Variants in RYR2 observed in about 807,000 individuals in gnomAD.
RYR2 encodes cardiac muscle ryanodine receptor-calcium release channel.
A neutral mutation model predicts 601.1 loss-of-function variants in RYR2; 227 were observed. That is an observed-to-expected ratio of 0.38 (90% CI 0.34 to 0.42). The LOEUF (loss-of-function observed/expected upper bound fraction) is 0.42, where lower values mean the gene tolerates loss of function less well. RYR2 is among the 10% of genes least tolerant of loss of function. The probability of loss-of-function intolerance (pLI) is 1.00; values close to 1 mark genes in which losing one functional copy is unlikely to be tolerated. For missense variants in RYR2, 4,646 were observed against 6,156.5 expected, an observed-to-expected ratio of 0.75 and a Z score of 8.21; for synonymous variants, 2,223 against 2,175.1, an observed-to-expected ratio of 1.02 and a Z score of -0.61.
At chr1:237,422,997 T>C in intron 11 of RYR2, 95 bp from the exon 12 acceptor site, 1 of 1,360,018 alleles carries the variant, frequency 7.4e-7, no homozygotes, top group South Asian at 1.6e-5. Flanking sequence ...ATTAAGACAA[T>C]ATATATGACT....
intron 1 of RYR2, among the ~76,000 whole-genome samples, chr1:237,063,967 A>G (rs1447405277): frequency 6.6e-6 from 1 of 151,640 alleles, no homozygotes; most frequent in Non-Finnish European, 1.5e-5. Context: ...TAAAGGTGAT[A>G]TTTTCATTCT....
At chr1:237,201,134 C>T (rs113569687) in intron 1 of RYR2, among the ~76,000 whole-genome samples, 1,787 of 152,266 alleles carry the variant, frequency 0.012, 49 homozygotes, top group African/African-American at 0.041. Context: ...TAAAATAAGC[C>T]TCATTTAGCC....
At chr1:237,398,959 CA>C (rs766066154) in intron 10 of RYR2, among the ~76,000 whole-genome samples, 3 of 152,128 alleles carry the variant, frequency 2.0e-5, no homozygotes, top group Non-Finnish European at 4.4e-5. Context: ...TTTGGGAGGC[CA>C]AAGTCGGTGA....
At chr1:237,404,717 A>C (rs542048501) in intron 10 of RYR2, among the ~76,000 whole-genome samples, 3 of 152,160 alleles carry the variant, frequency 2.0e-5, no homozygotes, top group Non-Finnish European at 4.4e-5. Flanking sequence ...TATGGCCCCT[A>C]ATCAGTTGAC....
intron 10 of RYR2, among the ~76,000 whole-genome samples, chr1:237,396,347 G>C (rs1288269962): frequency 6.6e-6 from 1 of 152,162 alleles, no homozygotes; most frequent in African/African-American, 2.4e-5. Flanking sequence ...AGAGTCTCTG[G>C]ACCAATAGAA....
intron 24 of RYR2, among the ~76,000 whole-genome samples, chr1:237,515,888 CCTCCCTCTTCTCCTTCTCCCTCTT>C (rs1666465432): frequency 7.1e-6 from 1 of 141,054 alleles, no homozygotes; most frequent in African/African-American, 2.8e-5. Context: ...CTCTTCTCCT[CCTCCCTCTTCTCCTTCTCCCTCTT>C]CTCCCTCTCC....
intron 1 of RYR2, among the ~76,000 whole-genome samples, chr1:237,148,932 C>A (rs932697340): frequency 2.6e-5 from 4 of 152,050 alleles, no homozygotes; most frequent in African/African-American, 7.2e-5. Context: ...GGAAATCCAG[C>A]CCCCTACCCC....
chr1:237,566,718 T>G lies in RYR2; in HGVS notation c.3366T>G (p.Cys1122Trp). 1 of 1,613,994 alleles carries G rather than the reference T, an allele frequency of 6.2e-7. No individual in the cohort carries two copies. Among genetic ancestry groups the G allele is most frequent in the Non-Finnish European group, 8.5e-7 (1 of 1,179,874 alleles). Residue 1122 changes from cysteine (C) to tryptophan (W), a missense_variant, in exon 28 of 105, where the codon TGT becomes TGG. Cys to Trp is a radical substitution (Grantham distance 215). This residue lies in a region of RYR2 where 1,807 missense variants were observed against 2,088.1 expected (regional missense o/e 0.87). Coordinates refer to ENST00000366574, the MANE Select transcript of RYR2 (RefSeq NM_001035.3). ...DMRVGWSRPG[C>W]QPDQELGSDE... ...GGGTTGGTTGGAGTCGTCCTGGTTG[T>G]CAACCGGATCAGGAGCTTGGCTCAG...
chr1:237,222,522 C>G (rs1683933521), intron 1 of RYR2, among the ~76,000 whole-genome samples: 1 of 152,066 alleles, frequency 6.6e-6, no homozygotes. Flanking sequence ...CCAAACCTCT[C>G]CTATTTGACC....
intron 1 of RYR2, among the ~76,000 whole-genome samples, chr1:237,103,398 A>G (rs148683556): frequency 6.6e-6 from 1 of 152,292 alleles, no homozygotes; most frequent in Non-Finnish European, 1.5e-5. Context: ...ATCCTCCTGT[A>G]GCCTGGTACT....
chr1:237,157,867 A>G (rs920937287), intron 1 of RYR2, among the ~76,000 whole-genome samples: 1 of 152,216 alleles, frequency 6.6e-6, no homozygotes, highest in African/African-American at 2.4e-5. Context: ...ATATTTCATA[A>G]TAGCCAGAAG....
At chr1:237,556,542 G>A (rs926026964) in intron 27 of RYR2, among the ~76,000 whole-genome samples, 1 of 148,962 alleles carries the variant, frequency 6.7e-6, no homozygotes. Context: ...AACTCCTGAT[G>A]TTGTGATCCA....
intron 27 of RYR2, among the ~76,000 whole-genome samples, chr1:237,558,971 C>T (rs1402213083): frequency 4.0e-5 from 6 of 149,946 alleles, no homozygotes; most frequent in Non-Finnish European, 1.5e-5. Flanking sequence ...TTGATATTCA[C>T]TATTTGGTGA....
chr1:237,503,752 G>A (rs1043068252), intron 22 of RYR2, among the ~76,000 whole-genome samples: 25 of 152,150 alleles, frequency 1.6e-4, no homozygotes, highest in Non-Finnish European at 3.5e-4. Flanking sequence ...CTGTTGTCCA[G>A]GCTGGAGTGC....
At chr1:237,400,651 A>C (rs12039295) in intron 10 of RYR2, among the ~76,000 whole-genome samples, 44,406 of 152,088 alleles carry the variant, frequency 0.29, 6,635 homozygotes, top group African/African-American at 0.35. Context: ...ATTCATAATA[A>C]TAGTAGACAT....
chr1:237,271,402 T>A (rs1296326022), intron 2 of RYR2, among the ~76,000 whole-genome samples: 2 of 152,172 alleles, frequency 1.3e-5, no homozygotes, highest in African/African-American at 4.8e-5. Flanking sequence ...AACACTTAAT[T>A]CTGTTGATAT....
At chr1:237,670,253 C>T (rs544580145) in intron 58 of RYR2, among the ~76,000 whole-genome samples, 36 of 142,710 alleles carry the variant, frequency 2.5e-4, no homozygotes, top group South Asian at 1.2e-3. Context: ...AGTCCAGCTT[C>T]GGCTCGGCAT....
At chr1:237,439,843 AT>A (rs1291477531) in intron 12 of RYR2, among the ~76,000 whole-genome samples, 7 of 148,608 alleles carry the variant, frequency 4.7e-5, no homozygotes, top group Middle Eastern at 3.5e-3. Flanking sequence ...AAAAAAAAAA[AT>A]GTTAGAGGCT....
intron 38 of RYR2, 68 bp downstream of exon 38, chr1:237,617,554 C>A (rs1015424658): frequency 2.1e-6 from 3 of 1,430,092 alleles, no homozygotes; most frequent in Non-Finnish European, 2.9e-6. Context: ...CTCTGCCTTG[C>A]AAAATTATAT....
Sources: gnomAD v4.1 joint callset for allele counts (sites outside exome capture counted in the v4.1 genomes callset) on GRCh38, gnomAD v4.1.1 for gene constraint, gnomAD v4.1.1 regional missense constraint, MANE v1.5 for transcripts, NCBI Gene and HGNC (gene_info 2026-07-23, HGNC 2026-07-21) for gene names.